TGFA: variants seen among roughly 807,000 people sequenced by gnomAD.
TGFA encodes protransforming growth factor alpha.
Under a neutral mutation model 21.7 loss-of-function variants are expected in TGFA, and 12 were observed. The ratio of observed to expected loss-of-function variants is 0.55; its 90% CI spans 0.35 to 0.90. TGFA has a LOEUF of 0.90. Among genes scored for constraint, TGFA ranks in the 40% least tolerant of loss-of-function variants. The pLI, the probability that TGFA is intolerant of heterozygous loss-of-function variation, is 0.01. For synonymous variants in TGFA, 79 were observed against 88.1 expected, an observed-to-expected ratio of 0.90 and a Z score of 0.58; for missense variants, 178 against 210.8, an observed-to-expected ratio of 0.84 and a Z score of 0.96.
At chr2:70,537,120 G>C (rs1278580062) in intron 1 of TGFA, among the ~76,000 whole-genome samples, 1 of 118,164 alleles carries the variant, frequency 8.5e-6, no homozygotes, top group Non-Finnish European at 2.0e-5. Context: ...TATCTGTTAT[G>C]GTGACAGGTG....
intron 2 of TGFA, among the ~76,000 whole-genome samples, chr2:70,502,616 A>G (rs1289110622): frequency 2.0e-5 from 3 of 152,170 alleles, no homozygotes; most frequent in African/African-American, 7.2e-5. Context: ...CACCACACCC[A>G]GCTGATCTGT....
At chr2:70,534,011 G>A (rs1672899047) in intron 1 of TGFA, among the ~76,000 whole-genome samples, 1 of 151,820 alleles carries the variant, frequency 6.6e-6, no homozygotes. Context: ...ACAAACATTT[G>A]TAGAATGCAC....
intron 2 of TGFA, among the ~76,000 whole-genome samples, chr2:70,511,658 T>G (rs912197586): frequency 2.6e-5 from 4 of 152,158 alleles, no homozygotes; most frequent in Non-Finnish European, 5.9e-5. Flanking sequence ...GCTTTATCTG[T>G]TACGTATACG....
chr2:70,550,235 A>G (rs537319860), intron 1 of TGFA, among the ~76,000 whole-genome samples: 4 of 152,294 alleles, frequency 2.6e-5, no homozygotes, highest in African/African-American at 9.6e-5. Context: ...TATAAAATCC[A>G]TTTTTGTATC....
At chr2:70,459,140 A>G (rs189929250) in intron 3 of TGFA, among the ~76,000 whole-genome samples, 1 of 152,268 alleles carries the variant, frequency 6.6e-6, no homozygotes, top group East Asian at 1.9e-4. Context: ...TTCTACTTCA[A>G]CCAGCAGGCC....
At chr2:70,469,058 G>A (rs368185800) in intron 2 of TGFA, among the ~76,000 whole-genome samples, 121 of 152,160 alleles carry the variant, frequency 8.0e-4, no homozygotes, top group Middle Eastern at 3.4e-3. Flanking sequence ...ACAAAAGGCC[G>A]TTTAAACCAC....
At chr2:70,549,108 T>G (rs574774298) in intron 1 of TGFA, among the ~76,000 whole-genome samples, 83 of 152,292 alleles carry the variant, frequency 5.5e-4, no homozygotes, top group South Asian at 1.5e-3. Flanking sequence ...CAGCTTTTGG[T>G]AATCCAAAGG....
At chr2:70,488,656 C>T (rs7561547) in intron 2 of TGFA, among the ~76,000 whole-genome samples, 88,241 of 151,946 alleles carry the variant, frequency 0.58, 26,344 homozygotes, top group African/African-American at 0.72. Context: ...ACTTTGAATA[C>T]TCTCCCGTTT....
At chr2:70,504,563 TATAC>T (rs1375445946) in intron 2 of TGFA, among the ~76,000 whole-genome samples, 3 of 150,856 alleles carry the variant, frequency 2.0e-5, no homozygotes, top group African/African-American at 7.3e-5. Flanking sequence ...AAAGCTTATA[TATAC>T]ATACATGCAT....
intron 2 of TGFA, among the ~76,000 whole-genome samples, chr2:70,509,222 T>C (rs1553500645): frequency 6.6e-6 from 1 of 152,218 alleles, no homozygotes; most frequent in Non-Finnish European, 1.5e-5. Context: ...TTCAGCTCCA[T>C]GTGGGAAAAC....
chr2:70,516,650 G>A (rs1168186250), intron 1 of TGFA, among the ~76,000 whole-genome samples: 4 of 152,138 alleles, frequency 2.6e-5, no homozygotes, highest in African/African-American at 9.7e-5. Flanking sequence ...GGGCCCCTCT[G>A]TCACCCACAC....
At chr2:70,533,438 G>A (rs1672877222) in intron 1 of TGFA, among the ~76,000 whole-genome samples, 2 of 152,158 alleles carry the variant, frequency 1.3e-5, no homozygotes, top group Non-Finnish European at 2.9e-5. Context: ...GAAGATCAAG[G>A]AAGCCTCTAG....
intron 3 of TGFA, among the ~76,000 whole-genome samples, chr2:70,462,907 A>T (rs1390984899): frequency 2.0e-5 from 3 of 152,124 alleles, no homozygotes; most frequent in African/African-American, 4.8e-5. Context: ...AAACTTGTTA[A>T]GAGTTTGTGG....
At chr2:70,521,617 G>GTTTTTTTTTTTTTTTTTT (rs35177436) in intron 1 of TGFA, among the ~76,000 whole-genome samples, 45 of 87,092 alleles carry the variant, frequency 5.2e-4, no homozygotes, top group South Asian at 1.9e-3. Flanking sequence ...TTGTTTGTTT[G>GTTTTTTTTTTTTTTTTTT]TTTTTTTTTT....
rs1672814278 is a variant in TGFA, at chr2:70,531,532, C to T, written c.41-16620G>A. Among the ~76,000 whole-genome samples the T allele has an allele frequency of 2.6e-5, 4 of 152,326 alleles. No homozygotes were observed. The South Asian group carries it at 8.3e-4, about 32-fold the overall frequency. On this transcript the variant is annotated intron_variant, in intron 1 of 5. Coordinates refer to ENST00000295400, the MANE Select transcript of TGFA (RefSeq NM_003236.4). Reference sequence around the variant, plus strand: ...TTTCCTCATTCTTAAGGAAAAGAGTCCACCATCTCAAGCAAGAATGCAAAT... The same window carrying T: ...TTTCCTCATTCTTAAGGAAAAGAGTTCACCATCTCAAGCAAGAATGCAAAT...
At chr2:70,509,757 C>T (rs1348090057) in intron 2 of TGFA, among the ~76,000 whole-genome samples, 1 of 152,112 alleles carries the variant, frequency 6.6e-6, no homozygotes, top group Non-Finnish European at 1.5e-5. Context: ...CACCACACCC[C>T]CTTGGTCATT....
intron 1 of TGFA, among the ~76,000 whole-genome samples, chr2:70,537,525 C>T (rs1673008887): frequency 1.3e-5 from 2 of 152,206 alleles, no homozygotes; most frequent in South Asian, 4.1e-4. Flanking sequence ...AAAAGTGCTA[C>T]TCCAGTGAAT....
At chr2:70,492,079 G>T (rs1410191330) in intron 2 of TGFA, among the ~76,000 whole-genome samples, 2 of 152,198 alleles carry the variant, frequency 1.3e-5, no homozygotes, top group African/African-American at 4.8e-5. Context: ...CCTGCATGAG[G>T]TCTAAGATTT....
intron 2 of TGFA, among the ~76,000 whole-genome samples, chr2:70,472,855 C>G (rs1553493520): frequency 6.6e-6 from 1 of 152,250 alleles, no homozygotes; most frequent in African/African-American, 2.4e-5. Context: ...GATATCATGG[C>G]TAACTTTCTA....
Sources: gnomAD v4.1 joint callset for allele counts (sites outside exome capture counted in the v4.1 genomes callset) on GRCh38, gnomAD v4.1.1 for gene constraint, MANE v1.5 for transcripts, NCBI Gene and HGNC (gene_info 2026-07-23, HGNC 2026-07-21) for gene names.